Variants in ADARB2 observed in about 807,000 individuals in gnomAD.
The protein encoded by ADARB2 is adenosine deaminase RNA specific B2 (inactive), also known as inactive double-stranded RNA-specific editase B2.
In ADARB2, 25 loss-of-function variants were observed where a neutral mutation model predicts 62.2. That is an observed-to-expected ratio of 0.40 (90% CI 0.29 to 0.56). The LOEUF (loss-of-function observed/expected upper bound fraction) is 0.56, where lower values mean the gene tolerates loss of function less well. Among genes scored for constraint, ADARB2 ranks in the 20% least tolerant of loss-of-function variants. The pLI, the probability that ADARB2 is intolerant of heterozygous loss-of-function variation, is 0.43. For synonymous variants in ADARB2, 572 were observed against 500.8 expected, an observed-to-expected ratio of 1.14 and a Z score of -1.90; for missense variants, 1,071 against 1,077.4, an observed-to-expected ratio of 0.99 and a Z score of 0.08.
At chr10:1,654,475 C>T (rs563493847) in intron 1 of ADARB2, among the ~76,000 whole-genome samples, 1 of 152,174 alleles carries the variant, frequency 6.6e-6, no homozygotes, top group Non-Finnish European at 1.5e-5. Flanking sequence ...AAATCCCCTT[C>T]CGGCGTGGTG....
intron 1 of ADARB2, among the ~76,000 whole-genome samples, chr10:1,688,020 A>T (rs895889312): frequency 6.6e-6 from 1 of 152,250 alleles, no homozygotes; most frequent in Non-Finnish European, 1.5e-5. Context: ...ATTTCTCCTC[A>T]AATATAGGGT....
At chr10:1,243,230 G>A (rs1414197918) in intron 4 of ADARB2, among the ~76,000 whole-genome samples, 1 of 152,266 alleles carries the variant, frequency 6.6e-6, no homozygotes, top group Non-Finnish European at 1.5e-5. Context: ...GGATGTGACA[G>A]CCACTGGCTG....
At chr10:1,490,218 G>A (rs992467341) in intron 1 of ADARB2, among the ~76,000 whole-genome samples, 4 of 152,162 alleles carry the variant, frequency 2.6e-5, no homozygotes, top group Non-Finnish European at 5.9e-5. Flanking sequence ...AACTTGCCCT[G>A]GAGGAAGAGT....
chr10:1,254,137 G>A (rs570562098), intron 4 of ADARB2, among the ~76,000 whole-genome samples: 3 of 151,586 alleles, frequency 2.0e-5, no homozygotes, highest in South Asian at 2.1e-4. Context: ...AGTGGATTCC[G>A]TGGTTAGAAT....
At chr10:1,387,141 T>C (rs1199342061) in intron 1 of ADARB2, among the ~76,000 whole-genome samples, 1 of 151,914 alleles carries the variant, frequency 6.6e-6, no homozygotes, top group East Asian at 1.9e-4. Flanking sequence ...ATTTTAGCTC[T>C]AAGTTTATGC....
chr10:1,326,276 G>A (rs1186724856), intron 3 of ADARB2, among the ~76,000 whole-genome samples: 28 of 152,172 alleles, frequency 1.8e-4, no homozygotes, highest in Admixed American at 1.8e-3. Context: ...ATGCTCTGGG[G>A]AAGTGCCTTG....
At chr10:1,540,460 C>G in intron 1 of ADARB2, among the ~76,000 whole-genome samples, 1 of 151,352 alleles carries the variant, frequency 6.6e-6, no homozygotes. Flanking sequence ...CCCATGATCA[C>G]AGCCGCCCAG....
chr10:1,594,114 AC>A (rs1324445358), intron 1 of ADARB2, among the ~76,000 whole-genome samples: 1 of 152,138 alleles, frequency 6.6e-6, no homozygotes, highest in African/African-American at 2.4e-5. Context: ...ACATAGTGAA[AC>A]CCTGTCTCTA....
intron 1 of ADARB2, among the ~76,000 whole-genome samples, chr10:1,450,013 A>T (rs117448783): frequency 0.026 from 3,944 of 152,288 alleles, 76 homozygotes; most frequent in South Asian, 0.048. Flanking sequence ...GGCCGTGGCC[A>T]GCATGACGCT....
chr10:1,480,913 T>C (rs1440616182), intron 1 of ADARB2, among the ~76,000 whole-genome samples: 1 of 152,196 alleles, frequency 6.6e-6, no homozygotes, highest in Admixed American at 6.5e-5. Context: ...ACAGATTCAA[T>C]GTAATCTCTA....
At chr10:1,275,843 T>C (rs1157186291) in intron 3 of ADARB2, among the ~76,000 whole-genome samples, 2 of 151,890 alleles carry the variant, frequency 1.3e-5, no homozygotes, top group Non-Finnish European at 2.9e-5. Context: ...AACTCATCAT[T>C]TTTTATGGCT....
intron 3 of ADARB2, among the ~76,000 whole-genome samples, chr10:1,334,206 G>C (rs1461631402): frequency 6.6e-6 from 1 of 152,182 alleles, no homozygotes; most frequent in Non-Finnish European, 1.5e-5. Flanking sequence ...CTAGGTGAGT[G>C]TTTAGTAATC....
At chr10:1,615,267 C>T (rs1445954259) in intron 1 of ADARB2, among the ~76,000 whole-genome samples, 3 of 152,210 alleles carry the variant, frequency 2.0e-5, no homozygotes, top group Non-Finnish European at 2.9e-5. Context: ...GAGCCAATGC[C>T]ATGGCCTTGC....
intron 1 of ADARB2, among the ~76,000 whole-genome samples, chr10:1,489,844 C>T (rs1329156185): frequency 8.5e-5 from 13 of 152,170 alleles, no homozygotes; most frequent in Non-Finnish European, 2.9e-5. Flanking sequence ...TCTTGGGTGT[C>T]TCTCTTGGGT....
intron 1 of ADARB2, among the ~76,000 whole-genome samples, chr10:1,440,615 G>A (rs1476297025): frequency 6.6e-6 from 1 of 152,136 alleles, no homozygotes; most frequent in Non-Finnish European, 1.5e-5. Context: ...TCTGTAGCCT[G>A]TCCTGGGGGC....
intron 3 of ADARB2, among the ~76,000 whole-genome samples, chr10:1,300,993 C>T (rs1046530757): frequency 8.5e-5 from 13 of 152,304 alleles, no homozygotes; most frequent in African/African-American, 3.1e-4. Flanking sequence ...CTGGTGTCCA[C>T]TCTATTGCCG....
At chr10:1,361,838 T>G (rs779312243) in intron 3 of ADARB2, among the ~76,000 whole-genome samples, 9 of 152,248 alleles carry the variant, frequency 5.9e-5, no homozygotes, top group Non-Finnish European at 1.3e-4. Flanking sequence ...TAACTTACAA[T>G]TATTGCATAC....
chr10:1,226,823 G>T (rs1209231822), intron 6 of ADARB2, among the ~76,000 whole-genome samples: 2 of 149,770 alleles, frequency 1.3e-5, no homozygotes, highest in Non-Finnish European at 3.0e-5. Flanking sequence ...TGCCTCTATT[G>T]GGGGGGTGCC....
intron 1 of ADARB2, among the ~76,000 whole-genome samples, chr10:1,623,977 T>C (rs1265027361): frequency 6.6e-6 from 1 of 152,164 alleles, no homozygotes; most frequent in Admixed American, 6.6e-5. Context: ...CTCACACGTA[T>C]GATCTAGCGA....
Sources: allele counts gnomAD v4.1 joint callset (sites outside exome capture counted in the v4.1 genomes callset), GRCh38; gene constraint gnomAD v4.1.1; transcripts MANE v1.5; gene names NCBI Gene and HGNC (gene_info 2026-07-23, HGNC 2026-07-21).